RORA: variants seen among roughly 807,000 people sequenced by gnomAD.
The protein encoded by RORA is RAR related orphan receptor A.
Under a neutral mutation model 69.5 loss-of-function variants are expected in RORA, and 7 were observed. The ratio of observed to expected loss-of-function variants is 0.10; its 90% CI spans 0.06 to 0.19. The LOEUF is 0.19. Among genes scored for constraint, RORA ranks in the 10% least tolerant of loss-of-function variants. RORA has a pLI of 1.00. For missense variants in RORA, 457 were observed against 663.0 expected, an observed-to-expected ratio of 0.69 and a Z score of 3.41; for synonymous variants, 261 against 240.8, an observed-to-expected ratio of 1.08 and a Z score of -0.78.
intron 2 of RORA, among the ~76,000 whole-genome samples, chr15:60,542,647 C>G (rs2066924439): frequency 1.4e-5 from 2 of 143,644 alleles, no homozygotes; most frequent in Admixed American, 1.4e-4. Flanking sequence ...ACACACGACA[C>G]ACGGGCACAC....
At chr15:60,919,511 T>C (rs1035887007) in intron 1 of RORA, among the ~76,000 whole-genome samples, 8 of 152,216 alleles carry the variant, frequency 5.3e-5, no homozygotes, top group African/African-American at 1.4e-4. Context: ...AATACCTATA[T>C]AGGGAGTGCC....
At chr15:60,676,545 C>G (rs369015470) in intron 2 of RORA, among the ~76,000 whole-genome samples, 15 of 152,322 alleles carry the variant, frequency 9.8e-5, no homozygotes, top group South Asian at 8.3e-4. Context: ...ATAAAAGGAG[C>G]TTTAAGTCTT....
chr15:60,852,487 A>G (rs955672317), intron 1 of RORA, among the ~76,000 whole-genome samples: 3 of 152,222 alleles, frequency 2.0e-5, no homozygotes, highest in Non-Finnish European at 2.9e-5. Context: ...ATGAAACTAT[A>G]TACATAAAAT....
rs149669455 is a variant in RORA at position 60,853,489 on chromosome 15, A to T, written c.167-174803T>A. The stretch of plus-strand genomic sequence containing the variant: ...TCCACATTCTACAAAAGACTACAAG[A>T]TTGCTGACTTAATTGGGTGCGTAAC... On this transcript the variant is annotated intron_variant, in intron 1 of 10. Transcript: ENST00000335670. 3.2e-4 allele frequency among the ~76,000 whole-genome samples: 49 copies of T among 152,346 alleles called. No individual in the cohort carries two copies. In the East Asian group the frequency reaches 8.9e-3, roughly 28 times the overall value.
At chr15:61,183,407 C>A (rs2079707664) in intron 1 of RORA, among the ~76,000 whole-genome samples, 1 of 152,000 alleles carries the variant, frequency 6.6e-6, no homozygotes, top group Non-Finnish European at 1.5e-5. Flanking sequence ...TGGTGGCAAA[C>A]ACCTGTAATC....
chr15:60,913,889 C>G (rs1891799163), intron 1 of RORA, among the ~76,000 whole-genome samples: 1 of 152,168 alleles, frequency 6.6e-6, no homozygotes, highest in Non-Finnish European at 1.5e-5. Flanking sequence ...TCATAGTTCC[C>G]TCCAAACAAT....
At chr15:60,558,359 A>G (rs1034458916) in intron 2 of RORA, 22 of 1,179,460 alleles carry the variant, frequency 1.9e-5, no homozygotes, top group Non-Finnish European at 2.6e-5. Context: ...GGCATTAATT[A>G]GTTGGCCACT....
intron 1 of RORA, among the ~76,000 whole-genome samples, chr15:60,910,254 T>C (rs1891665554): frequency 6.6e-6 from 1 of 152,222 alleles, no homozygotes; most frequent in Non-Finnish European, 1.5e-5. Flanking sequence ...AATGTCAATG[T>C]TGACATCCCC....
chr15:61,119,087 G>A (rs1045911919), intron 1 of RORA, among the ~76,000 whole-genome samples: 4 of 134,140 alleles, frequency 3.0e-5, no homozygotes, highest in African/African-American at 1.1e-4. Flanking sequence ...CAGAAGGGGG[G>A]GGGGGGCGCC....
intron 1 of RORA, among the ~76,000 whole-genome samples, chr15:61,227,990 T>C (rs1355055538): frequency 2.0e-5 from 3 of 152,054 alleles, no homozygotes. Flanking sequence ...AACAGCTCAC[T>C]TTAGGAAAGG....
intron 7 of RORA, 103 bp from the exon 8 acceptor site, chr15:60,502,970 GGTGTCGTGTGCA>G: frequency 1.2e-6 from 1 of 814,472 alleles, no homozygotes; most frequent in Non-Finnish European, 2.2e-6. Context: ...CAGCATGGTG[GGTGTCGTGTGCA>G]GTTTAGCTAG....
Position 60,964,269 on chromosome 15 carries a change from A to C in RORA, c.166+264784T>G, listed in dbSNP as rs138855805. 3.2e-4 allele frequency among the ~76,000 whole-genome samples: 48 copies of C among 152,336 alleles called. No homozygotes were observed. The East Asian group carries it at 9.1e-3, about 29-fold the overall frequency. On this transcript the variant is annotated intron_variant, in intron 1 of 10. Transcript: ENST00000335670. ...GAGGCATTAATATGCCTATCTGTAT[A>C]AGATGAGGTGTGGTGTCCAGATGAA...
rs1173185834 is a variant in RORA, at chr15:61,043,154, C to T, written c.166+185899G>A. 2.0e-5 allele frequency among the ~76,000 whole-genome samples: 3 copies of T among 152,290 alleles called. No individual in the cohort carries two copies. In the East Asian group the frequency reaches 5.8e-4, roughly 29 times the overall value. Reference sequence around the variant, plus strand: ...CTAGGTGGTGGGTGCAATTATCATTCCCATTTTAGAGATGGAAAAACAGAT... The same window carrying T: ...CTAGGTGGTGGGTGCAATTATCATTTCCATTTTAGAGATGGAAAAACAGAT... On this transcript the variant is annotated intron_variant, in intron 1 of 10. Coordinates refer to ENST00000335670, the MANE Select transcript of RORA (RefSeq NM_134261.3).
At chr15:61,218,542 G>GT (rs2080063077) in intron 1 of RORA, among the ~76,000 whole-genome samples, 1 of 152,064 alleles carries the variant, frequency 6.6e-6, no homozygotes, top group Non-Finnish European at 1.5e-5. Flanking sequence ...TATACATAAT[G>GT]TAAGAACTTC....
At chr15:60,879,997 T>A (rs2073660893) in intron 1 of RORA, among the ~76,000 whole-genome samples, 1 of 152,190 alleles carries the variant, frequency 6.6e-6, no homozygotes, top group Admixed American at 6.5e-5. Flanking sequence ...GCATCTCCTG[T>A]AAGCATGCTT....
chr15:61,159,915 C>T (rs1567016835), intron 1 of RORA, among the ~76,000 whole-genome samples: 2 of 152,164 alleles, frequency 1.3e-5, no homozygotes, highest in South Asian at 2.1e-4. Flanking sequence ...GATGGGTACA[C>T]TCAGATGATA....
intron 1 of RORA, among the ~76,000 whole-genome samples, chr15:60,976,783 C>T (rs1893883236): frequency 2.0e-5 from 3 of 152,160 alleles, no homozygotes; most frequent in Admixed American, 6.5e-5. Context: ...GCAGGGATTG[C>T]AGGGGCTTCC....
intron 1 of RORA, among the ~76,000 whole-genome samples, chr15:61,182,773 T>C (rs1016188859): frequency 2.6e-5 from 4 of 152,248 alleles, no homozygotes; most frequent in African/African-American, 7.2e-5. Context: ...GACAGCTCGA[T>C]GGCATGACAC....
At chr15:60,565,929 C>T (rs1490243473) in intron 2 of RORA, among the ~76,000 whole-genome samples, 3 of 152,192 alleles carry the variant, frequency 2.0e-5, no homozygotes, top group Non-Finnish European at 4.4e-5. Flanking sequence ...ATACAAGTTT[C>T]TTGCCCACCT....
Sources: allele counts gnomAD v4.1 joint callset (sites outside exome capture counted in the v4.1 genomes callset), GRCh38; gene constraint gnomAD v4.1.1; transcripts MANE v1.5; gene names NCBI Gene and HGNC (gene_info 2026-07-23, HGNC 2026-07-21).